Variants in PPFIA2 observed in about 807,000 individuals in gnomAD.
PPFIA2 encodes the protein PPFI scaffold protein A2, also known as liprin-alpha-2.
Under a neutral mutation model 175.5 loss-of-function variants are expected in PPFIA2, and 46 were observed. The observed-to-expected ratio is 0.26, with a 90% CI of 0.21 to 0.34. The LOEUF (loss-of-function observed/expected upper bound fraction) is 0.34. Ranked by LOEUF, PPFIA2 falls within the 10% of genes least tolerant of loss-of-function variation. PPFIA2 has a pLI of 1.00. For missense variants in PPFIA2, 1,179 were observed against 1,506.1 expected (o/e 0.78, Z 3.60); for synonymous variants, 568 against 511.4 (o/e 1.11, Z -1.49).
chr12:81,296,471 C>T (rs539129301), intron 23 of PPFIA2, among the ~76,000 whole-genome samples: 11 of 152,306 alleles, frequency 7.2e-5, no homozygotes, highest in Non-Finnish European at 1.5e-4. Context: ...TATTTCAGCA[C>T]CTGAATAACA....
chr12:81,313,108 G>A (rs926272028), intron 22 of PPFIA2, among the ~76,000 whole-genome samples: 1 of 152,084 alleles, frequency 6.6e-6, no homozygotes, highest in South Asian at 2.1e-4. Flanking sequence ...TACACATATA[G>A]CTTTTGAAGA....
intron 22 of PPFIA2, among the ~76,000 whole-genome samples, chr12:81,308,009 ACTCT>A (rs1228801003): frequency 6.6e-6 from 1 of 152,058 alleles, no homozygotes; most frequent in Non-Finnish European, 1.5e-5. Flanking sequence ...GGCAGAATTA[ACTCT>A]CTCTTCTATG....
chr12:81,594,866 T>C (rs939163836), intron 4 of PPFIA2, among the ~76,000 whole-genome samples: 3 of 152,230 alleles, frequency 2.0e-5, no homozygotes, highest in East Asian at 3.9e-4. Flanking sequence ...TGAGCTTTTA[T>C]TGGGCCACTG....
At chr12:81,319,335 G>A (rs773810255) in intron 22 of PPFIA2, among the ~76,000 whole-genome samples, 16 of 151,560 alleles carry the variant, frequency 1.1e-4, no homozygotes, top group Non-Finnish European at 3.0e-5. Flanking sequence ...TTATCCTTGG[G>A]ATATTATTAT....
chr12:81,649,766 A>C (rs1479313260), intron 4 of PPFIA2, among the ~76,000 whole-genome samples: 2 of 152,194 alleles, frequency 1.3e-5, no homozygotes, highest in Non-Finnish European at 2.9e-5. Context: ...AGAATCTTAA[A>C]AGCATTGTGC....
At chr12:81,445,796 A>C in intron 5 of PPFIA2, 76 bp from the exon 6 acceptor site, 1 of 1,391,574 alleles carries the variant, frequency 7.2e-7, no homozygotes, top group Non-Finnish European at 9.8e-7. Context: ...TCCCCCTTAA[A>C]TTATTGCAGG....
chr12:81,631,267 T>A (rs748369398), intron 4 of PPFIA2, among the ~76,000 whole-genome samples: 1 of 152,126 alleles, frequency 6.6e-6, no homozygotes, highest in Non-Finnish European at 1.5e-5. Context: ...AGCAATGTTA[T>A]CCTAACAGAA....
rs539941194 is a variant in PPFIA2, at chr12:81,547,653, AAGAGTT to A, written c.304-89793_304-89788del. 2.0e-3 allele frequency among the ~76,000 whole-genome samples: 306 copies of A among 152,272 alleles called. 1 individual carries two copies. Among genetic ancestry groups the A allele is most frequent in the Non-Finnish European group, 3.8e-3 (258 of 68,012 alleles). ...CTACATTTAATTTGAAGAAGTAACAAAGAGTTAGAGAAAAAACAAAGATAACTGGGG... is the reference window on the plus strand; with the variant it reads ...CTACATTTAATTTGAAGAAGTAACAAAGAGAAAAAACAAAGATAACTGGGG... On this transcript the variant is annotated intron_variant, in intron 4 of 32. Transcript: ENST00000549396.
chr12:81,268,496 A>G (rs940694528), intron 28 of PPFIA2, among the ~76,000 whole-genome samples: 1 of 152,170 alleles, frequency 6.6e-6, no homozygotes, highest in Non-Finnish European at 1.5e-5. Flanking sequence ...TGGCCAGGTC[A>G]CATTTATGCT....
At chr12:81,546,795 TG>T (rs1307392341) in intron 4 of PPFIA2, among the ~76,000 whole-genome samples, 3 of 152,144 alleles carry the variant, frequency 2.0e-5, no homozygotes, top group Admixed American at 2.0e-4. Flanking sequence ...AGATAGATCA[TG>T]TTTTTTATGT....
chr12:81,511,815 A>G (rs958190701), intron 4 of PPFIA2, among the ~76,000 whole-genome samples: 2 of 152,044 alleles, frequency 1.3e-5, no homozygotes, highest in African/African-American at 4.8e-5. Flanking sequence ...CTGATTGTCT[A>G]ACTGAATAGA....
chr12:81,721,604 C>G lies in PPFIA2; in HGVS notation c.249+32369G>C, dbSNP rs190386829. ...TCACAAAGCATAAAGCTTATCCCCCCTCACCCCTGTTCCACCACCTACACA... is the reference window on the plus strand; with the variant it reads ...TCACAAAGCATAAAGCTTATCCCCCGTCACCCCTGTTCCACCACCTACACA... On this transcript the variant is annotated intron_variant, in intron 3 of 32. Coordinates refer to ENST00000549396, the MANE Select transcript of PPFIA2 (RefSeq NM_003625.5). 1.7e-4 allele frequency among the ~76,000 whole-genome samples: 25 copies of G among 151,402 alleles called. No individual in the cohort carries two copies. In the East Asian group the frequency reaches 4.9e-3, roughly 30 times the overall value.
At chr12:81,387,673 C>G (rs1013882183) in intron 8 of PPFIA2, among the ~76,000 whole-genome samples, 3 of 152,088 alleles carry the variant, frequency 2.0e-5, no homozygotes, top group African/African-American at 7.2e-5. Flanking sequence ...AGACTTTATA[C>G]AGGATTTGAA....
intron 4 of PPFIA2, among the ~76,000 whole-genome samples, chr12:81,619,318 T>G (rs1043411657): frequency 2.0e-5 from 3 of 152,212 alleles, no homozygotes; most frequent in African/African-American, 7.2e-5. Flanking sequence ...ACGTTAGATA[T>G]GTAACTTTTC....
At chr12:81,653,482 G>GCCTC (rs1158401543) in intron 4 of PPFIA2, among the ~76,000 whole-genome samples, 1 of 151,950 alleles carries the variant, frequency 6.6e-6, no homozygotes, top group East Asian at 1.9e-4. Context: ...TCTCTTCCAT[G>GCCTC]CCTCCCTCCC....
intron 4 of PPFIA2, among the ~76,000 whole-genome samples, chr12:81,561,151 T>A (rs1280579111): frequency 6.6e-6 from 1 of 152,184 alleles, no homozygotes; most frequent in Non-Finnish European, 1.5e-5. Context: ...ATTTCTATTG[T>A]AGTTTACATG....
intron 4 of PPFIA2, among the ~76,000 whole-genome samples, chr12:81,649,031 G>T (rs912973754): frequency 6.6e-6 from 1 of 151,664 alleles, no homozygotes; most frequent in Non-Finnish European, 1.5e-5. Flanking sequence ...AAAAGAAAAA[G>T]CAGGACAAAA....
intron 3 of PPFIA2, among the ~76,000 whole-genome samples, chr12:81,702,532 G>A (rs17008906): frequency 0.016 from 2,443 of 152,168 alleles, 48 homozygotes; most frequent in East Asian, 0.053. Flanking sequence ...AAACAGTGGC[G>A]TTGATGATCA....
At chr12:81,399,752 C>A (rs905173948) in intron 8 of PPFIA2, among the ~76,000 whole-genome samples, 3 of 151,984 alleles carry the variant, frequency 2.0e-5, no homozygotes, top group Non-Finnish European at 4.4e-5. Flanking sequence ...CACTGCTTGA[C>A]AATTCAATTG....
Sources: allele counts gnomAD v4.1 joint callset (sites outside exome capture counted in the v4.1 genomes callset), GRCh38; gene constraint gnomAD v4.1.1; transcripts MANE v1.5; gene names NCBI Gene and HGNC (gene_info 2026-07-23, HGNC 2026-07-21).